MKLN1: variants seen among roughly 807,000 people sequenced by gnomAD.
MKLN1 encodes muskelin 1, also known as muskelin.
Under a neutral mutation model 99.0 loss-of-function variants are expected in MKLN1, and 18 were observed. The ratio of observed to expected loss-of-function variants is 0.18; its 90% CI spans 0.13 to 0.27. The LOEUF is 0.27. MKLN1 is among the 10% of genes least tolerant of loss of function. MKLN1 has a pLI of 1.00. For missense variants in MKLN1, 621 were observed against 875.9 expected (o/e 0.71, Z 3.67); for synonymous variants, 288 against 293.2 (o/e 0.98, Z 0.18).
intron 3 of MKLN1, chr7:131,310,722 A>G (rs1798549635): frequency 6.6e-6 from 1 of 152,318 alleles, no homozygotes; most frequent in Non-Finnish European, 1.5e-5. Flanking sequence ...ATCTGAAAAT[A>G]TGTCATTCCA....
At chr7:131,132,242 G>T (rs747342681) in intron 1 of MKLN1, among the ~76,000 whole-genome samples, 6 of 152,178 alleles carry the variant, frequency 3.9e-5, no homozygotes, top group Admixed American at 6.5e-5. Flanking sequence ...GAGAACACTC[G>T]TACAATCTCA....
chr7:131,201,150 G>T (rs1205421825), intron 2 of MKLN1, among the ~76,000 whole-genome samples: 3 of 152,152 alleles, frequency 2.0e-5, no homozygotes, highest in Non-Finnish European at 4.4e-5. Flanking sequence ...CTCCTGAGCA[G>T]CTGGGATTAC....
chr7:131,143,020 T>A, intron 2 of MKLN1: 1 of 1,047,998 alleles, frequency 9.5e-7, no homozygotes, highest in South Asian at 1.3e-5. Flanking sequence ...CTTTTCAAAT[T>A]CTTCTCTCTG....
At chr7:131,427,689 G>C (rs1432210469) in intron 8 of MKLN1, among the ~76,000 whole-genome samples, 1 of 152,054 alleles carries the variant, frequency 6.6e-6, no homozygotes, top group Non-Finnish European at 1.5e-5. Flanking sequence ...GAATAGTTGG[G>C]ATTACAGGTG....
At chr7:131,414,011 A>C (rs1200972700) in intron 7 of MKLN1, among the ~76,000 whole-genome samples, 1 of 152,198 alleles carries the variant, frequency 6.6e-6, no homozygotes, top group East Asian at 1.9e-4. Context: ...TTCCTCAGTC[A>C]GTTCTTACAT....
chr7:131,133,826 T>TG, intron 1 of MKLN1, among the ~76,000 whole-genome samples: 1 of 120,676 alleles, frequency 8.3e-6, no homozygotes, highest in South Asian at 3.1e-4. Context: ...TTTGGTTTTT[T>TG]TTTTTTTTTT....
In MKLN1 at chr7:131,133,818, TGG is replaced by T. The variant is rs373852752; in HGVS notation, c.-418-9001_-418-9000del. On this transcript the variant is annotated intron_variant, in intron 1 of 7. Transcript: ENST00000416992. Reference sequence around the variant, plus strand: ...GACTTCTTTTTTTTTTTTTTTAATTTGGTTTTTTTTTTTTTTTTTTTTTTTTT... The same window carrying T: ...GACTTCTTTTTTTTTTTTTTTAATTTTTTTTTTTTTTTTTTTTTTTTTTTT... Among the ~76,000 whole-genome samples, 313 of 41,694 alleles carry T rather than the reference TGG, an allele frequency of 7.5e-3. 26 individuals are homozygous for T. The highest frequency in any genetic ancestry group is 0.056 in the Middle Eastern group (3 of 54). The allele number at this position is 41,694 out of a possible 152,430, so 27.4% of individuals were successfully genotyped here.
intron 3 of MKLN1, among the ~76,000 whole-genome samples, chr7:131,231,399 C>T (rs1411805062): frequency 2.0e-5 from 3 of 152,092 alleles, no homozygotes; most frequent in Non-Finnish European, 4.4e-5. Context: ...TTGGCTCCAT[C>T]GTCTTGAACC....
chr7:131,393,663 G>C (rs1002642699), intron 4 of MKLN1, among the ~76,000 whole-genome samples: 1 of 152,056 alleles, frequency 6.6e-6, no homozygotes, highest in Non-Finnish European at 1.5e-5. Context: ...GTCTTTCTCG[G>C]TTACCTAGGC....
At chr7:131,154,595 A>G (rs1244933353) in intron 2 of MKLN1, among the ~76,000 whole-genome samples, 1 of 151,940 alleles carries the variant, frequency 6.6e-6, no homozygotes, top group Non-Finnish European at 1.5e-5. Context: ...CCTAGACACA[A>G]TGACTAAGCC....
intron 3 of MKLN1, among the ~76,000 whole-genome samples, chr7:131,258,734 C>G (rs893893984): frequency 4.6e-5 from 7 of 152,084 alleles, no homozygotes; most frequent in Non-Finnish European, 8.8e-5. Context: ...CCCTTCTTTC[C>G]TTCTTTTATG....
At chr7:131,276,066 T>A (rs1797970493) in intron 3 of MKLN1, among the ~76,000 whole-genome samples, 1 of 152,060 alleles carries the variant, frequency 6.6e-6, no homozygotes, top group South Asian at 2.1e-4. Context: ...CATTCATCAA[T>A]CAGATTAAGT....
At chr7:131,293,700 A>G in intron 3 of MKLN1, among the ~76,000 whole-genome samples, 1 of 152,174 alleles carries the variant, frequency 6.6e-6, no homozygotes, top group South Asian at 2.1e-4. Flanking sequence ...CAGCTACTCC[A>G]GAGGCTGAAG....
At chr7:131,271,132 T>A (rs1189471560) in intron 3 of MKLN1, among the ~76,000 whole-genome samples, 1 of 152,154 alleles carries the variant, frequency 6.6e-6, no homozygotes, top group Non-Finnish European at 1.5e-5. Flanking sequence ...CAGTACAACG[T>A]GATGAATGTC....
At chr7:131,478,595 CTTT>C (rs3080645) in intron 16 of MKLN1, 25 bp from the exon 17 acceptor site, 573 of 1,235,674 alleles carry the variant, frequency 4.6e-4, no homozygotes, top group South Asian at 1.7e-3. Context: ...TTTGCTGCTT[CTTT>C]TTTTTTTTTT....
At position 131,496,477 on chromosome 7, in the gene MKLN1, C is replaced by G. The variant is rs190492871; in HGVS notation, c.*8749C>G. The G allele has an allele frequency of 1.9e-4, 29 of 151,592 alleles. No individual in the cohort carries two copies. In the East Asian group the frequency reaches 5.0e-3, roughly 26 times the overall value. 9.4% of individuals were successfully genotyped at this position (151,592 alleles called of 1,614,324 possible). On this transcript the variant is annotated 3_prime_UTR_variant, in exon 18 of 18. Coordinates refer to ENST00000352689, the MANE Select transcript of MKLN1 (RefSeq NM_013255.5). ...CTTATAGTACAAATAATTTTCAGAT[C>G]CCAGCTTTGGTAAATGTGTTAATTC...
chr7:131,205,231 C>T (rs1247032284), intron 3 of MKLN1, among the ~76,000 whole-genome samples: 2 of 152,098 alleles, frequency 1.3e-5, no homozygotes, highest in Non-Finnish European at 2.9e-5. Context: ...TCGGAGAAAA[C>T]AAACCTAACT....
At chr7:131,381,937 GTAA>G (rs1024340265) in intron 2 of MKLN1, among the ~76,000 whole-genome samples, 5 of 152,144 alleles carry the variant, frequency 3.3e-5, no homozygotes, top group African/African-American at 4.8e-5. Context: ...CATTATTCAG[GTAA>G]TAATAGTAGG....
intron 3 of MKLN1, among the ~76,000 whole-genome samples, chr7:131,205,609 G>C (rs541964824): frequency 6.6e-6 from 1 of 152,248 alleles, no homozygotes; most frequent in African/African-American, 2.4e-5. Flanking sequence ...AGAAATCAAG[G>C]TATTCATCAG....
Sources: gnomAD v4.1 joint callset for allele counts (sites outside exome capture counted in the v4.1 genomes callset) on GRCh38, gnomAD v4.1.1 for gene constraint, MANE v1.5 for transcripts, NCBI Gene and HGNC (gene_info 2026-07-23, HGNC 2026-07-21) for gene names.